The following ROBO2 variants were observed in gnomAD, a reference collection of about 807,000 sequenced individuals.
ROBO2 encodes the protein roundabout guidance receptor 2, also known as roundabout homolog 2.
In ROBO2, 53 loss-of-function variants were observed where a neutral mutation model predicts 160.8. The observed-to-expected ratio is 0.33, with a 90% CI of 0.26 to 0.41. The LOEUF is 0.41. ROBO2 is among the 10% of genes least tolerant of loss of function. The pLI, the probability that ROBO2 is intolerant of heterozygous loss-of-function variation, is 1.00. For missense variants in ROBO2, 1,577 were observed against 1,722.4 expected, an observed-to-expected ratio of 0.92 and a Z score of 1.49; for synonymous variants, 664 against 611.7, an observed-to-expected ratio of 1.09 and a Z score of -1.26.
rs6548512 is a variant in ROBO2, at chr3:77,483,171, A to C, written c.667+1952A>C. ...GTTTATTAGATGGTGTAAGCTAGTC[A>C]GAACTGACCTGAGGGGTTATAAGTA... On this transcript the variant is annotated intron_variant, in intron 4 of 25. Coordinates refer to ENST00000461745, the Ensembl canonical transcript of ROBO2. Among the ~76,000 whole-genome samples, 901 of 152,274 alleles carry C rather than the reference A, an allele frequency of 5.9e-3. 13 individuals are homozygous for C. Among genetic ancestry groups the C allele is most frequent in the African/African-American group, 0.021 (856 of 41,568 alleles).
intron 2 of ROBO2, among the ~76,000 whole-genome samples, chr3:76,728,697 T>C (rs958831821): frequency 6.6e-6 from 1 of 152,222 alleles, no homozygotes; most frequent in Non-Finnish European, 1.5e-5. Flanking sequence ...AGTTCATCCC[T>C]GCAACCTACA....
intron 2 of ROBO2, among the ~76,000 whole-genome samples, chr3:76,481,661 C>G (rs1195748718): frequency 3.3e-5 from 5 of 152,122 alleles, no homozygotes; most frequent in African/African-American, 4.8e-5. Flanking sequence ...CTACCCCAGT[C>G]CTTTTAAACC....
intron 2 of ROBO2, among the ~76,000 whole-genome samples, chr3:76,127,503 T>G (rs2071034437): frequency 1.3e-5 from 2 of 152,046 alleles, no homozygotes; most frequent in African/African-American, 2.4e-5. Context: ...ATTTTATGTC[T>G]GTGATATAGT....
In ROBO2 at chr3:76,256,299, GTCTCTCTCTCTCTCTCTCTCTCTCTCTC is replaced by G. The variant is rs372215718; in HGVS notation, c.109+318724_109+318751del. Among the ~76,000 whole-genome samples, 118 of 92,552 alleles carry G rather than the reference GTCTCTCTCTCTCTCTCTCTCTCTCTCTC, an allele frequency of 1.3e-3. 1 individual carries two copies. The highest frequency in any genetic ancestry group is 4.2e-3 in the African/African-American group (111 of 26,478). 60.7% of individuals were successfully genotyped at this position (92,552 alleles called of 152,430 possible). On this transcript the variant is annotated intron_variant, in intron 2 of 26. Transcript: ENST00000487694. ...CACTGCAGCCTGGGTGACAGAGTGA[GTCTCTCTCTCTCTCTCTCTCTCTCTCTC>G]TCTCTCTCTCTCTCTCTCTCTCTCT...
At chr3:77,071,593 G>A (rs1483827705) in intron 1 of ROBO2, among the ~76,000 whole-genome samples, 1 of 152,122 alleles carries the variant, frequency 6.6e-6, no homozygotes, top group Non-Finnish European at 1.5e-5. Context: ...TGGCTATTAA[G>A]CAGCTTGCCT....
chr3:76,274,505 T>G (rs1264038018), intron 2 of ROBO2, among the ~76,000 whole-genome samples: 1 of 152,138 alleles, frequency 6.6e-6, no homozygotes, highest in Non-Finnish European at 1.5e-5. Context: ...AAATACAGAT[T>G]GTTATTCAAT....
chr3:76,320,429 G>A (rs2072420502), intron 2 of ROBO2, among the ~76,000 whole-genome samples: 1 of 152,082 alleles, frequency 6.6e-6, no homozygotes, highest in Non-Finnish European at 1.5e-5. Flanking sequence ...AATTTATGAA[G>A]AGTTCACCAC....
chr3:76,801,585 T>A (rs1354460479), intron 2 of ROBO2, among the ~76,000 whole-genome samples: 1 of 151,940 alleles, frequency 6.6e-6, no homozygotes, highest in East Asian at 1.9e-4. Context: ...AAAGTTTTTT[T>A]TTTAAAAAAA....
chr3:76,715,916 A>AT (rs981879191), intron 2 of ROBO2, among the ~76,000 whole-genome samples: 135 of 152,224 alleles, frequency 8.9e-4, no homozygotes, highest in African/African-American at 3.0e-3. Flanking sequence ...TTCACAATGA[A>AT]TTTTTGTCAT....
At chr3:76,036,049 GA>G (rs531608566) in intron 2 of ROBO2, among the ~76,000 whole-genome samples, 86 of 151,690 alleles carry the variant, frequency 5.7e-4, no homozygotes, top group African/African-American at 1.4e-3. Flanking sequence ...TTCTGGTGCT[GA>G]AAAAAAATCA....
chr3:76,320,119 T>C (rs935390544), intron 2 of ROBO2, among the ~76,000 whole-genome samples: 1 of 152,152 alleles, frequency 6.6e-6, no homozygotes, highest in East Asian at 1.9e-4. Flanking sequence ...TCAGATTTCA[T>C]TTTGTAATGA....
intron 2 of ROBO2, among the ~76,000 whole-genome samples, chr3:76,989,579 A>G (rs2060558882): frequency 6.6e-6 from 1 of 152,094 alleles, no homozygotes; most frequent in African/African-American, 2.4e-5. Flanking sequence ...TGACATTTGA[A>G]AAAAATAAAA....
chr3:76,787,470 G>A (rs2063067200), intron 2 of ROBO2, among the ~76,000 whole-genome samples: 3 of 151,132 alleles, frequency 2.0e-5, no homozygotes, highest in South Asian at 2.1e-4. Flanking sequence ...AGAGGGCAAG[G>A]TTTAAATTTG....
At chr3:77,514,113 T>C (rs755380889) in intron 5 of ROBO2, among the ~76,000 whole-genome samples, 8 of 151,768 alleles carry the variant, frequency 5.3e-5, no homozygotes, top group Non-Finnish European at 5.9e-5. Context: ...GATCATTACA[T>C]ATGATCAACC....
At chr3:77,210,564 T>C (rs544480584) in intron 2 of ROBO2, among the ~76,000 whole-genome samples, 2 of 152,282 alleles carry the variant, frequency 1.3e-5, no homozygotes, top group Admixed American at 1.3e-4. Context: ...CCTATGTTTC[T>C]AAAGATGAAA....
At chr3:76,475,188 T>C (rs2078869162) in intron 2 of ROBO2, among the ~76,000 whole-genome samples, 1 of 152,112 alleles carries the variant, frequency 6.6e-6, no homozygotes, top group South Asian at 2.1e-4. Flanking sequence ...AAGATGGTAT[T>C]TGACCACGGG....
intron 2 of ROBO2, among the ~76,000 whole-genome samples, chr3:76,691,444 C>G (rs1322471820): frequency 6.6e-6 from 1 of 151,340 alleles, no homozygotes; most frequent in African/African-American, 2.4e-5. Context: ...ATGAACTATA[C>G]ATTGGAAACG....
chr3:77,292,049 C>T (rs541768402), intron 2 of ROBO2, among the ~76,000 whole-genome samples: 17 of 146,204 alleles, frequency 1.2e-4, no homozygotes, highest in Admixed American at 2.8e-4. Flanking sequence ...GACGGCTTAA[C>T]GGGTAAGCTG....
chr3:76,310,549 C>T (rs1362174937), intron 2 of ROBO2, among the ~76,000 whole-genome samples: 1 of 152,140 alleles, frequency 6.6e-6, no homozygotes, highest in African/African-American at 2.4e-5. Flanking sequence ...ATAAATATTT[C>T]AGACCCATTT....
Sources: gnomAD v4.1 joint callset for allele counts (sites outside exome capture counted in the v4.1 genomes callset) on GRCh38, gnomAD v4.1.1 for gene constraint, MANE v1.5 for transcripts, NCBI Gene and HGNC (gene_info 2026-07-23, HGNC 2026-07-21) for gene names.